Variants in FUT8 observed in about 807,000 individuals in gnomAD.
FUT8 encodes alpha-(1,6)-fucosyltransferase.
Under a neutral mutation model 71.3 loss-of-function variants are expected in FUT8, and 29 were observed. The observed-to-expected ratio is 0.41, with a 90% CI of 0.30 to 0.55. The LOEUF (loss-of-function observed/expected upper bound fraction) is 0.55, where lower values mean the gene tolerates loss of function less well. Ranked by LOEUF, FUT8 falls within the 20% of genes least tolerant of loss-of-function variation. The probability of loss-of-function intolerance (pLI) is 0.34; values close to 1 mark genes in which losing one functional copy is unlikely to be tolerated. For missense variants in FUT8, 544 were observed against 702.1 expected, an observed-to-expected ratio of 0.77 and a Z score of 2.55; for synonymous variants, 254 against 239.3, an observed-to-expected ratio of 1.06 and a Z score of -0.57.
At chr14:65,604,638 A>G (rs991118638) in intron 3 of FUT8, among the ~76,000 whole-genome samples, 2 of 151,916 alleles carry the variant, frequency 1.3e-5, no homozygotes, top group Non-Finnish European at 2.9e-5. Context: ...AAATGCCTAC[A>G]TCAAAAAGTC....
chr14:65,611,673 T>C (rs2140207020), intron 3 of FUT8, among the ~76,000 whole-genome samples: 1 of 152,284 alleles, frequency 6.6e-6, no homozygotes, highest in South Asian at 2.1e-4. Context: ...TTTCTTTCTT[T>C]TTTCTGAGAT....
chr14:65,622,561 AT>A lies in FUT8; in HGVS notation c.482+6193del, dbSNP rs1889672971. The stretch of plus-strand genomic sequence containing the variant: ...TGTCTTATATATGATAGTATAAGCT[AT>A]TTTTGTTGTCATCCTTCTGGAGTTT... On this transcript the variant is annotated intron_variant, in intron 5 of 10. Transcript: ENST00000673929. Among the ~76,000 whole-genome samples, 2 of 152,154 alleles carry A rather than the reference AT, an allele frequency of 1.3e-5. 1 individual carries two copies. Among genetic ancestry groups the A allele is most frequent in the South Asian group, 4.1e-4 (2 of 4,830 alleles).
At chr14:65,495,488 C>T (rs1219224811) in intron 2 of FUT8, among the ~76,000 whole-genome samples, 1 of 152,016 alleles carries the variant, frequency 6.6e-6, no homozygotes, top group Non-Finnish European at 1.5e-5. Flanking sequence ...TTATGTGTTC[C>T]TCCGGGGTAT....
chr14:65,520,705 G>T (rs897344080), intron 2 of FUT8, among the ~76,000 whole-genome samples: 1 of 151,674 alleles, frequency 6.6e-6, no homozygotes, highest in African/African-American at 2.4e-5. Flanking sequence ...TATGTCTATG[G>T]TTCTGTTTAG....
intron 2 of FUT8, among the ~76,000 whole-genome samples, chr14:65,463,567 A>G (rs996072594): frequency 1.3e-5 from 2 of 152,162 alleles, no homozygotes; most frequent in African/African-American, 4.8e-5. Flanking sequence ...GTGCCTGGCT[A>G]ATATATTTTC....
chr14:65,734,909 A>G (rs976914743), intron 10 of FUT8, among the ~76,000 whole-genome samples: 3 of 152,154 alleles, frequency 2.0e-5, no homozygotes, highest in Non-Finnish European at 4.4e-5. Context: ...TTCTGCATGT[A>G]GGATATTTAG....
the FUT8 span, among the ~76,000 whole-genome samples, chr14:65,398,020 C>A: frequency 6.6e-6 from 1 of 152,174 alleles, no homozygotes; most frequent in Non-Finnish European, 1.5e-5. Flanking sequence ...TTCATTTTGA[C>A]TGTAATAAAA....
chr14:65,437,032 T>TG (rs1169919593), intron 1 of FUT8, among the ~76,000 whole-genome samples: 7 of 152,386 alleles, frequency 4.6e-5, no homozygotes, highest in Non-Finnish European at 8.8e-5. Flanking sequence ...ATTTACTGCA[T>TG]GAGTGACCTT....
chr14:65,611,276 CACACACACACACACACACACACACA>C (rs1566851444), intron 3 of FUT8, among the ~76,000 whole-genome samples: 17 of 51,772 alleles, frequency 3.3e-4, no homozygotes, highest in East Asian at 1.1e-3. Context: ...CACACACACA[CACACACACACACACACACACACACA>C]CCCCCCAAGT....
At chr14:65,525,498 T>A (rs1326045055) in intron 2 of FUT8, among the ~76,000 whole-genome samples, 3 of 152,222 alleles carry the variant, frequency 2.0e-5, no homozygotes, top group Admixed American at 1.3e-4. Context: ...ATTTTGTTGA[T>A]GTTTTCAAAA....
chr14:65,675,498 G>GT (rs1892669686), intron 7 of FUT8, among the ~76,000 whole-genome samples: 2 of 152,150 alleles, frequency 1.3e-5, no homozygotes, highest in South Asian at 4.1e-4. Context: ...CATATTCTCA[G>GT]TAGCATGAAT....
rs1373401665 is a variant in FUT8, at chr14:65,607,418, TA to T, written c.204-8559del. On this transcript the variant is annotated intron_variant, in intron 3 of 10. Coordinates refer to ENST00000673929, the MANE Select transcript of FUT8 (RefSeq NM_001371533.1). The surrounding 1 kb of genome is among the most constrained non-coding windows in gnomAD (Gnocchi z 4.1). ...TTTATAATGAATAAGTATTAAATTT[TA>T]TCTAATGATTTTTTGTTTCCATTGA... Among the ~76,000 whole-genome samples the T allele has an allele frequency of 6.6e-6, 1 of 151,980 alleles. No homozygotes were observed. Among genetic ancestry groups the T allele is most frequent in the Non-Finnish European group, 1.5e-5 (1 of 67,930 alleles).
chr14:65,481,392 T>A (rs1410070513), intron 2 of FUT8, among the ~76,000 whole-genome samples: 1 of 152,202 alleles, frequency 6.6e-6, no homozygotes, highest in East Asian at 1.9e-4. Context: ...ACATATACTT[T>A]TTTTTTTCTG....
chr14:65,512,401 A>G (rs1882406272), intron 2 of FUT8, among the ~76,000 whole-genome samples: 1 of 152,118 alleles, frequency 6.6e-6, no homozygotes, highest in Admixed American at 6.5e-5. Flanking sequence ...CCTAGCCTCA[A>G]GAGATCCCCT....
chr14:65,466,264 C>T (rs989711207), intron 2 of FUT8, among the ~76,000 whole-genome samples: 4 of 152,108 alleles, frequency 2.6e-5, no homozygotes, highest in Admixed American at 6.5e-5. Flanking sequence ...TGTATTTAGA[C>T]CACAGATGTT....
the FUT8 span, among the ~76,000 whole-genome samples, chr14:65,367,852 C>A: frequency 6.6e-6 from 1 of 152,096 alleles, no homozygotes; most frequent in Non-Finnish European, 1.5e-5. Flanking sequence ...TCCCCCATCT[C>A]TTTACTCCCA....
At chr14:65,462,203 CAGAT>C (rs1566762140) in intron 2 of FUT8, among the ~76,000 whole-genome samples, 1 of 152,162 alleles carries the variant, frequency 6.6e-6, no homozygotes, top group Admixed American at 6.5e-5. Context: ...AAGTGCTAAT[CAGAT>C]AGGCTCTAAC....
At chr14:65,359,997 T>C in the FUT8 span, among the ~76,000 whole-genome samples, 1 of 152,030 alleles carries the variant, frequency 6.6e-6, no homozygotes, top group Non-Finnish European at 1.5e-5. Context: ...CACACCGAGC[T>C]AATTTTTGTA....
At chr14:65,615,051 T>C (rs1889211223) in intron 3 of FUT8, among the ~76,000 whole-genome samples, 1 of 152,194 alleles carries the variant, frequency 6.6e-6, no homozygotes, top group African/African-American at 2.4e-5. Flanking sequence ...TATTGACTGA[T>C]TGTTTTTGTT....
Sources: allele counts gnomAD v4.1 joint callset (sites outside exome capture counted in the v4.1 genomes callset), GRCh38; gene constraint gnomAD v4.1.1; non-coding constraint Gnocchi (gnomAD v3.1); transcripts MANE v1.5; gene names NCBI Gene and HGNC (gene_info 2026-07-23, HGNC 2026-07-21).